TNNI1: variants seen among roughly 807,000 people sequenced by gnomAD.
The protein encoded by TNNI1 is troponin I1, slow skeletal type.
In TNNI1, 14 loss-of-function variants were observed where a neutral mutation model predicts 26.7. The ratio of observed to expected loss-of-function variants is 0.52; its 90% confidence interval spans 0.35 to 0.82. The LOEUF (loss-of-function observed/expected upper bound fraction) is 0.82, where lower values mean the gene tolerates loss of function less well. TNNI1 is among the 40% of genes least tolerant of loss of function. The pLI, the probability that TNNI1 is intolerant of heterozygous loss-of-function variation, is 0.01. For synonymous variants in TNNI1, 79 were observed against 98.2 expected, an observed-to-expected ratio of 0.80 and a Z score of 1.16; for missense variants, 164 against 257.0, an observed-to-expected ratio of 0.64 and a Z score of 2.47.
chr1:201,417,251 G>A (rs1662758612), intron 2 of TNNI1, 132 bp from the exon 3 acceptor site: 1 of 1,192,596 alleles, frequency 8.4e-7, no homozygotes. Context: ...TGACAACAGT[G>A]AGCCAGAAAG....
rs754323359 is a variant in TNNI1, at chr1:201,415,266, A to AAG, written c.16-14_16-13dup. 9.9e-6 allele frequency: 16 copies of AAG among 1,613,916 alleles called. No homozygotes were observed. In the Admixed American group the frequency reaches 1.0e-4, roughly 10 times the overall value. On this transcript the variant is annotated splice_polypyrimidine_tract_variant and intron_variant, in intron 3 of 8. Coordinates refer to ENST00000361379, the MANE Select transcript of TNNI1 (RefSeq NM_003281.4). Reference sequence around the variant, plus strand: ...ATCTTGGGTTTTCTCTGTGGGCAAGAAGAGAGAGAGACAGGTGGTGAGGCA... The same window carrying AAG: ...ATCTTGGGTTTTCTCTGTGGGCAAGAAGAGAGAGAGAGACAGGTGGTGAGGCA...
intron 1 of TNNI1, among the ~76,000 whole-genome samples, chr1:201,421,070 G>C (rs1276041378): frequency 6.6e-6 from 1 of 152,190 alleles, no homozygotes; most frequent in African/African-American, 2.4e-5. Context: ...GCAGTCAAGA[G>C]GGGTTGCCGG....
At chr1:201,418,836 T>G (rs1225980550) in intron 1 of TNNI1, among the ~76,000 whole-genome samples, 1 of 152,138 alleles carries the variant, frequency 6.6e-6, no homozygotes, top group African/African-American at 2.4e-5. Flanking sequence ...CTCTTGATGT[T>G]TATTATTAAT....
intron 4 of TNNI1, 139 bp from the exon 5 acceptor site, chr1:201,414,788 G>A (rs1445757507): frequency 2.9e-6 from 4 of 1,359,844 alleles, no homozygotes; most frequent in Non-Finnish European, 9.9e-7. Flanking sequence ...CCATGGACAG[G>A]CCACCATGAG....
chr1:201,417,450 G>C (rs1266004714), intron 2 of TNNI1, among the ~76,000 whole-genome samples: 5 of 152,218 alleles, frequency 3.3e-5, no homozygotes, highest in Non-Finnish European at 7.3e-5. Context: ...ATCCACGGGT[G>C]CGTGGGTAAA....
rs1662634789 is a variant in TNNI1 at position 201,411,469 on chromosome 1, C to T, written c.344G>A (p.Arg115Gln). ...CATGGCGTCAGCCGAGACACGGACT[C>T]GACGCAGGGGCGGGCGCTTGAACTT... ...RGKFKRPPLRRVRVSADAMLR... is the reference protein window; with the variant it reads ...RGKFKRPPLRQVRVSADAMLR... The change falls in exon 7 of 9, where the codon CGA (arginine) becomes CAA (glutamine). Residue 115 changes from arginine to glutamine, a missense_variant. Transcript: ENST00000361379. The surrounding 1 kb of genome is among the most constrained non-coding windows in gnomAD (Gnocchi z 4.6). The T allele has an allele frequency of 3.1e-6, 5 of 1,613,318 alleles. No individual in the cohort carries two copies. The highest frequency in any genetic ancestry group is 1.1e-5 in the South Asian group (1 of 90,920).
chr1:201,417,718 G>C, intron 2 of TNNI1, 65 bp downstream of exon 2: 1 of 1,293,942 alleles, frequency 7.7e-7, no homozygotes, highest in Middle Eastern at 2.0e-4. Flanking sequence ...CTCCACTGCG[G>C]GGCTGAAGTC....
intron 3 of TNNI1, 132 bp downstream of exon 3, chr1:201,416,977 CACTAAAT>C: frequency 1.0e-6 from 1 of 977,746 alleles, no homozygotes. Context: ...TTTGTTCAGC[CACTAAAT>C]ACCCTACACC....
chr1:201,415,064 C>T, intron 4 of TNNI1, 149 bp downstream of exon 4: 1 of 740,158 alleles, frequency 1.4e-6, no homozygotes, highest in South Asian at 1.8e-5. Context: ...GGCACTGGCT[C>T]CAGCAATGCT....
At chr1:201,418,044 C>CTTTTTT (rs35188093) in intron 1 of TNNI1, among the ~76,000 whole-genome samples, 3 of 122,358 alleles carry the variant, frequency 2.5e-5, no homozygotes, top group Non-Finnish European at 5.2e-5. Flanking sequence ...GAATTGTAAG[C>CTTTTTT]TTTTTTTTTT....
chr1:201,404,655 C>T lies in TNNI1; in HGVS notation c.*4598G>A, dbSNP rs1331787276. 6.6e-6 allele frequency: 1 copy of T among 152,188 alleles called. No homozygotes were observed. Among genetic ancestry groups the T allele is most frequent in the African/African-American group, 2.4e-5 (1 of 41,446 alleles). 9.4% of individuals were successfully genotyped at this position (152,188 alleles called of 1,614,324 possible). ...AGAGGAAGGTCGTTTCCACTGAATA[C>T]ATTTAGCTTTATGAAAATCTCACTA... On this transcript the variant is annotated 3_prime_UTR_variant, in exon 9 of 9. Coordinates refer to ENST00000361379, the MANE Select transcript of TNNI1 (RefSeq NM_003281.4).
At chr1:201,418,238 A>G (rs1241897245) in intron 1 of TNNI1, among the ~76,000 whole-genome samples, 1 of 152,062 alleles carries the variant, frequency 6.6e-6, no homozygotes. Flanking sequence ...TGGGAGGCCA[A>G]GGCGGGCAGT....
chr1:201,419,098 A>G (rs1274725629), intron 1 of TNNI1, among the ~76,000 whole-genome samples: 1 of 152,194 alleles, frequency 6.6e-6, no homozygotes, highest in East Asian at 1.9e-4. Flanking sequence ...ACGAACCCAC[A>G]CATCCTGCAC....
rs373689281 is a variant in TNNI1 at position 201,411,553 on chromosome 1, G to A, written c.280-20C>T. The A allele has an allele frequency of 8.4e-6, 13 of 1,539,832 alleles. No individual in the cohort carries two copies. Among genetic ancestry groups the A allele is most frequent in the East Asian group, 2.4e-5 (1 of 41,352 alleles). On this transcript the variant is annotated intron_variant, in intron 6 of 8. Coordinates refer to ENST00000361379, the MANE Select transcript of TNNI1 (RefSeq NM_003281.4). This position sits in a 1 kb window ranked among gnomAD's most constrained non-coding sequence, Gnocchi z 4.6. ...CTTAATCTGTAGGTGAGAAGCGCCC[G>A]GGGCTCACTGGAGAGGCAGCTAGCC...
chr1:201,404,611 G>T lies in TNNI1; in HGVS notation c.*4642C>A, dbSNP rs1662481000. Reference sequence around the variant, plus strand: ...TTAATACTCCAGTAATAAAACAAAGGCATGCATGCTTTTAGATCAGAGGAA... The same window carrying T: ...TTAATACTCCAGTAATAAAACAAAGTCATGCATGCTTTTAGATCAGAGGAA... On this transcript the variant is annotated 3_prime_UTR_variant, in exon 9 of 9. Transcript: ENST00000361379. 6.6e-6 allele frequency: 1 copy of T among 152,078 alleles called. No individual in the cohort carries two copies. Among genetic ancestry groups the T allele is most frequent in the African/African-American group, 2.4e-5 (1 of 41,392 alleles). The allele number at this position is 152,078 out of a possible 1,614,324, so 9.4% of individuals were successfully genotyped here. A position where few individuals can be genotyped will look rare whatever the true frequency, so the allele number is the denominator to read the frequency against.
chr1:201,417,009 C>A, intron 3 of TNNI1, 107 bp downstream of exon 3: 1 of 1,367,146 alleles, frequency 7.3e-7, no homozygotes, highest in Non-Finnish European at 1.0e-6. Flanking sequence ...GGACTCCCAC[C>A]AGGCCTTAAC....
chr1:201,410,158 C>G, intron 8 of TNNI1, 168 bp downstream of exon 8: 1 of 581,062 alleles, frequency 1.7e-6, no homozygotes, highest in Non-Finnish European at 3.1e-6. Flanking sequence ...TATCATGGTG[C>G]TGGAGCCAGG....
intron 5 of TNNI1, 64 bp downstream of exon 5, chr1:201,414,454 T>C: frequency 7.0e-7 from 1 of 1,419,094 alleles, no homozygotes; most frequent in East Asian, 2.5e-5. Context: ...TGCCGCCTGG[T>C]CCTTGGAGCC....
intron 1 of TNNI1, among the ~76,000 whole-genome samples, chr1:201,421,265 C>A (rs763138234): frequency 2.0e-5 from 3 of 152,158 alleles, no homozygotes; most frequent in Non-Finnish European, 4.4e-5. Flanking sequence ...CCGCTGCAGG[C>A]ATTGCTGACT....
Sources: allele counts gnomAD v4.1 joint callset (sites outside exome capture counted in the v4.1 genomes callset), GRCh38; gene constraint gnomAD v4.1.1; non-coding constraint Gnocchi (gnomAD v3.1); transcripts MANE v1.5; gene names NCBI Gene and HGNC (gene_info 2026-07-23, HGNC 2026-07-21).